Variants in CTNNAL1 observed in about 807,000 individuals in gnomAD.
CTNNAL1 encodes catenin alpha like 1, also known as alpha-catulin.
Under a neutral mutation model 93.6 loss-of-function variants are expected in CTNNAL1, and 69 were observed. The ratio of observed to expected loss-of-function variants is 0.74; its 90% CI spans 0.61 to 0.90. The LOEUF is 0.90. CTNNAL1 is among the 40% of genes least tolerant of loss of function. CTNNAL1 has a pLI of 0.00. For missense variants in CTNNAL1, 836 were observed against 862.0 expected (o/e 0.97, Z 0.38); for synonymous variants, 286 against 305.4 (o/e 0.94, Z 0.66).
chr9:108,981,043 A>G (rs1016801535), intron 6 of CTNNAL1, among the ~76,000 whole-genome samples: 52 of 152,338 alleles, frequency 3.4e-4, no homozygotes, highest in African/African-American at 1.2e-3. Flanking sequence ...GACTGAGCCT[A>G]TTTATAACAG....
At chr9:108,961,070 G>A (rs1396614152) in intron 11 of CTNNAL1, among the ~76,000 whole-genome samples, 1 of 142,406 alleles carries the variant, frequency 7.0e-6, no homozygotes, top group East Asian at 2.1e-4. Context: ...ATGGTTGAAT[G>A]ATACTTACAA....
chr9:108,944,802 TAAG>T (rs1564118379), intron 15 of CTNNAL1, among the ~76,000 whole-genome samples: 4 of 152,154 alleles, frequency 2.6e-5, no homozygotes, highest in Admixed American at 2.6e-4. Context: ...TAAAGAATAC[TAAG>T]AAGGAGGAGG....
chr9:109,000,498 G>A (rs1458496604), intron 1 of CTNNAL1, among the ~76,000 whole-genome samples: 1 of 152,040 alleles, frequency 6.6e-6, no homozygotes, highest in Non-Finnish European at 1.5e-5. Context: ...ACATAAATAG[G>A]TAAACAAAAA....
At chr9:108,986,432 G>C in intron 4 of CTNNAL1, among the ~76,000 whole-genome samples, 1 of 150,484 alleles carries the variant, frequency 6.6e-6, no homozygotes, top group East Asian at 1.9e-4. Flanking sequence ...TATCATTGTT[G>C]GACATTTGGG....
intron 12 of CTNNAL1, among the ~76,000 whole-genome samples, chr9:108,954,653 T>C (rs1830645910): frequency 1.3e-5 from 2 of 152,230 alleles, no homozygotes; most frequent in African/African-American, 4.8e-5. Flanking sequence ...AAACTGTTTT[T>C]TTTAAGTCAC....
intron 1 of CTNNAL1, among the ~76,000 whole-genome samples, chr9:109,002,586 C>G (rs1282777418): frequency 6.6e-6 from 1 of 152,058 alleles, no homozygotes; most frequent in East Asian, 1.9e-4. Context: ...TTTGAAGGTG[C>G]TACCTGGTTT....
At chr9:109,008,595 C>T (rs1158204716) in intron 1 of CTNNAL1, among the ~76,000 whole-genome samples, 1 of 152,158 alleles carries the variant, frequency 6.6e-6, no homozygotes, top group Non-Finnish European at 1.5e-5. Flanking sequence ...GATATTGCTA[C>T]CATCTCCACG....
At position 108,965,520 on chromosome 9, in the gene CTNNAL1, A is replaced by G; in HGVS notation, c.1449T>C (p.Ser483=). Reference sequence around the variant, plus strand: ...GATGCAATGTCAATGTTTCAGCAGCAGAAATTATCTAAAGAAACACAATAT... The same window carrying G: ...GATGCAATGTCAATGTTTCAGCAGCGGAAATTATCTAAAGAAACACAATAT... ...TFQVTGQQII[S]AAETLTLHPS... The change falls in exon 11 of 19, where the codon TCT becomes TCC. Residue 483 remains serine, a synonymous_variant. Coordinates refer to ENST00000325551, the MANE Select transcript of CTNNAL1 (RefSeq NM_003798.4). 1 of 1,558,258 alleles carries G rather than the reference A, an allele frequency of 6.4e-7. No homozygotes were observed. The highest frequency in any genetic ancestry group is 1.2e-5 in the South Asian group (1 of 82,988).
chr9:108,989,276 A>G (rs924068959), intron 4 of CTNNAL1, among the ~76,000 whole-genome samples: 5 of 152,240 alleles, frequency 3.3e-5, no homozygotes, highest in African/African-American at 1.2e-4. Flanking sequence ...CAAGTGATCA[A>G]GAAAATGCTA....
At chr9:108,975,183 A>ATTCT (rs1430893923) in intron 8 of CTNNAL1, among the ~76,000 whole-genome samples, 2 of 152,118 alleles carry the variant, frequency 1.3e-5, no homozygotes, top group Admixed American at 6.6e-5. Context: ...ATAAATAAAA[A>ATTCT]TAAAAGAATT....
chr9:108,952,104 T>C, intron 14 of CTNNAL1, 105 bp downstream of exon 14: 1 of 944,324 alleles, frequency 1.1e-6, no homozygotes, highest in African/African-American at 1.7e-5. Flanking sequence ...TTTTACCATA[T>C]ATTTGATACC....
At chr9:108,997,824 T>G (rs1832079114) in intron 2 of CTNNAL1, among the ~76,000 whole-genome samples, 1 of 152,162 alleles carries the variant, frequency 6.6e-6, no homozygotes, top group African/African-American at 2.4e-5. Flanking sequence ...AATGCTATGG[T>G]CTAGTCTAAG....
At chr9:108,976,848 TA>T in intron 8 of CTNNAL1, 113 bp downstream of exon 8, 1 of 473,136 alleles carries the variant, frequency 2.1e-6, no homozygotes, top group Non-Finnish European at 3.6e-6. Flanking sequence ...GGAAAACTTT[TA>T]AAACCATTTT....
intron 1 of CTNNAL1, among the ~76,000 whole-genome samples, chr9:109,009,008 C>G (rs1827128213): frequency 6.6e-6 from 1 of 150,816 alleles, no homozygotes; most frequent in African/African-American, 2.4e-5. Flanking sequence ...AATCCTCCCA[C>G]CTCAGCCTCT....
At chr9:108,942,857 G>A (rs1014972360) in intron 18 of CTNNAL1, 23 bp from the exon 19 acceptor site, 5 of 1,612,788 alleles carry the variant, frequency 3.1e-6, no homozygotes, top group Non-Finnish European at 3.4e-6. Flanking sequence ...AAGACAATTA[G>A]TATCTGGTTT....
At chr9:109,012,696 G>A (rs1376709102) in intron 1 of CTNNAL1, among the ~76,000 whole-genome samples, 1 of 152,214 alleles carries the variant, frequency 6.6e-6, no homozygotes, top group Non-Finnish European at 1.5e-5. Context: ...GGACAGAAGC[G>A]GGCAGAAGTG....
chr9:108,948,373 G>A, intron 14 of CTNNAL1, 139 bp from the exon 15 acceptor site: 1 of 664,022 alleles, frequency 1.5e-6, no homozygotes, highest in Non-Finnish European at 2.3e-6. Context: ...TGATAATATT[G>A]TAACTTTATG....
intron 2 of CTNNAL1, among the ~76,000 whole-genome samples, chr9:108,995,058 T>C (rs1037880315): frequency 1.3e-5 from 2 of 152,202 alleles, no homozygotes; most frequent in African/African-American, 4.8e-5. Flanking sequence ...AGCCACCCAG[T>C]GAAGCCACTC....
chr9:108,945,727 G>T (rs1315121413), intron 15 of CTNNAL1, among the ~76,000 whole-genome samples: 4 of 151,336 alleles, frequency 2.6e-5, no homozygotes, highest in Admixed American at 2.6e-4. Context: ...CTCCCAGCTT[G>T]GTCTCCCAAA....
Sources: allele counts gnomAD v4.1 joint callset (sites outside exome capture counted in the v4.1 genomes callset), GRCh38; gene constraint gnomAD v4.1.1; transcripts MANE v1.5; gene names NCBI Gene and HGNC (gene_info 2026-07-23, HGNC 2026-07-21).